PREX2: variants seen among roughly 807,000 people sequenced by gnomAD.
PREX2 encodes phosphatidylinositol 3,4,5-trisphosphate-dependent Rac exchanger 2 protein.
In PREX2, 107 loss-of-function variants were observed where a neutral mutation model predicts 203.2. The ratio of observed to expected loss-of-function variants is 0.53; its 90% CI spans 0.45 to 0.62. PREX2 has a LOEUF of 0.62. Among genes scored for constraint, PREX2 ranks in the 20% least tolerant of loss-of-function variants. PREX2 has a pLI of 0.00. For synonymous variants in PREX2, 672 were observed against 663.6 expected (o/e 1.01, Z -0.19); for missense variants, 1,777 against 1,955.9 (o/e 0.91, Z 1.72).
At chr8:68,081,772 G>A (rs1809535155) in intron 17 of PREX2, among the ~76,000 whole-genome samples, 1 of 152,010 alleles carries the variant, frequency 6.6e-6, no homozygotes, top group African/African-American at 2.4e-5. Flanking sequence ...TCGGCTCACT[G>A]CAACCTCTGC....
At chr8:68,172,468 A>T (rs920858935) in intron 35 of PREX2, among the ~76,000 whole-genome samples, 3 of 152,248 alleles carry the variant, frequency 2.0e-5, no homozygotes, top group African/African-American at 7.2e-5. Flanking sequence ...TCTGTAGGTT[A>T]TGATAAATAT....
rs987473299 is a variant in PREX2 at position 68,232,359 on chromosome 8, G to A, written c.*981G>A. On this transcript the variant is annotated 3_prime_UTR_variant, in exon 40 of 40. Transcript: ENST00000288368. ...AAGATATGAAAATAAGGCTTTATTT[G>A]TACTTTAAAAGGACCATTAGGGGAC... The A allele has an allele frequency of 7.4e-5, 11 of 148,518 alleles. No homozygotes were observed. The highest frequency in any genetic ancestry group is 1.5e-5 in the Non-Finnish European group (1 of 66,966). The allele number at this position is 148,518 out of a possible 1,614,324, so 9.2% of individuals were successfully genotyped here.
At chr8:68,066,011 G>A (rs531413134) in intron 11 of PREX2, among the ~76,000 whole-genome samples, 2 of 152,150 alleles carry the variant, frequency 1.3e-5, no homozygotes, top group South Asian at 2.1e-4. Flanking sequence ...TGTATTAATC[G>A]CTTCACATAG....
chr8:67,968,913 A>G (rs1805847123), intron 1 of PREX2, among the ~76,000 whole-genome samples: 1 of 152,232 alleles, frequency 6.6e-6, no homozygotes. Context: ...GCCTAAGGAA[A>G]TAATGCAAGA....
At chr8:68,022,535 A>T (rs1298576488) in intron 4 of PREX2, among the ~76,000 whole-genome samples, 2 of 152,178 alleles carry the variant, frequency 1.3e-5, no homozygotes, top group Admixed American at 1.3e-4. Flanking sequence ...GTAAAATTTA[A>T]CATTTCTCCT....
chr8:68,016,755 T>TAC (rs1002896842), intron 1 of PREX2, among the ~76,000 whole-genome samples: 1 of 152,004 alleles, frequency 6.6e-6, no homozygotes, highest in Admixed American at 6.6e-5. Flanking sequence ...TAACTAGGAG[T>TAC]ACAGGTGTGT....
rs146917303 is a variant in PREX2, at chr8:68,218,460, G to T, written c.4707+742G>T. Reference sequence around the variant, plus strand: ...CACAGAAAGACAAAAGAAATCAAAAGACAAATTTTATATTTTATTCTACCA... The same window carrying T: ...CACAGAAAGACAAAAGAAATCAAAATACAAATTTTATATTTTATTCTACCA... On this transcript the variant is annotated intron_variant, in intron 38 of 39. Transcript: ENST00000288368. Among the ~76,000 whole-genome samples, 594 of 152,176 alleles carry T rather than the reference G, an allele frequency of 3.9e-3. 3 individuals are homozygous for T. Among genetic ancestry groups the T allele is most frequent in the African/African-American group, 0.013 (555 of 41,514 alleles).
chr8:68,164,172 G>C (rs1250546667), intron 35 of PREX2, among the ~76,000 whole-genome samples: 2 of 152,060 alleles, frequency 1.3e-5, no homozygotes, highest in African/African-American at 4.8e-5. Context: ...TGGTACCTAA[G>C]ATGGCAAAGA....
At chr8:68,055,335 T>A (rs1341150340) in intron 9 of PREX2, among the ~76,000 whole-genome samples, 1 of 152,234 alleles carries the variant, frequency 6.6e-6, no homozygotes, top group Non-Finnish European at 1.5e-5. Flanking sequence ...ATGAGTTAGC[T>A]CTGCTTTCTC....
chr8:68,193,209 A>G (rs1479171903), intron 37 of PREX2, among the ~76,000 whole-genome samples: 1 of 152,204 alleles, frequency 6.6e-6, no homozygotes, highest in Non-Finnish European at 1.5e-5. Context: ...CTCCATTGCC[A>G]CAAGGAAATA....
chr8:68,118,130 C>T (rs552623232), intron 26 of PREX2, among the ~76,000 whole-genome samples: 12 of 152,072 alleles, frequency 7.9e-5, no homozygotes, highest in South Asian at 2.1e-4. Context: ...CCGAGGTGGG[C>T]GGATCACAAG....
chr8:68,021,421 G>A (rs1563503950), intron 3 of PREX2, among the ~76,000 whole-genome samples: 1 of 152,130 alleles, frequency 6.6e-6, no homozygotes, highest in Non-Finnish European at 1.5e-5. Flanking sequence ...TCTCAGATGT[G>A]GTGTCCTCAG....
In PREX2 at chr8:68,109,588, G is replaced by A. The variant is rs1364989225; in HGVS notation, c.3111G>A (p.Leu1037=). Residue 1037 remains leucine, a synonymous_variant, in exon 25 of 40, where the codon CTG becomes CTA. Transcript: ENST00000288368. ...QKLLGKLQTA[L]KEVEMCVCQI... ...TGCTGGGCAAACTTCAGACTGCACT[G>A]AAAGAGGTGGAGATGTGTGTTTGTC... The A allele has an allele frequency of 5.0e-6, 8 of 1,613,956 alleles. No homozygotes were observed. The highest frequency in any genetic ancestry group is 5.9e-6 in the Non-Finnish European group (7 of 1,179,842).
intron 32 of PREX2, among the ~76,000 whole-genome samples, chr8:68,137,358 C>T (rs1236018422): frequency 6.6e-6 from 1 of 152,118 alleles, no homozygotes. Context: ...GCCTCAACCT[C>T]CTGCGCTCAA....
At chr8:68,146,413 T>C in intron 34 of PREX2, 61 bp downstream of exon 34, 1 of 1,343,100 alleles carries the variant, frequency 7.4e-7, no homozygotes, top group Non-Finnish European at 1.0e-6. Flanking sequence ...ATTAATGCTT[T>C]TATAAATGTG....
At chr8:68,135,727 A>G (rs1811102668) in intron 32 of PREX2, among the ~76,000 whole-genome samples, 1 of 152,214 alleles carries the variant, frequency 6.6e-6, no homozygotes, top group African/African-American at 2.4e-5. Flanking sequence ...TTTCTAGATA[A>G]TATCTAAAAT....
intron 20 of PREX2, 24 bp from the exon 21 acceptor site, chr8:68,093,581 G>T (rs1422303205): frequency 8.1e-7 from 1 of 1,237,748 alleles, no homozygotes; most frequent in African/African-American, 1.5e-5. Flanking sequence ...TACCTCTGAG[G>T]TTTCTTTCCC....
At position 68,080,467 on chromosome 8, in the gene PREX2, A is replaced by G. The variant is rs1809481921; in HGVS notation, c.1667A>G (p.Asp556Gly). ...HHVLEKSEFK[D>G]EPLLFRFFSD... ...GTCCTTGAAAAAAGCGAATTCAAAG[A>G]TGAACCCCTACTTTTCCGTTTTTTT... The change falls in exon 16 of 40, where the codon GAT (aspartate) becomes GGT (glycine). Residue 556 changes from aspartate to glycine, a missense_variant. Transcript: ENST00000288368. 1 of 1,612,492 alleles carries G rather than the reference A, an allele frequency of 6.2e-7. No individual in the cohort carries two copies. The highest frequency in any genetic ancestry group is 8.5e-7 in the Non-Finnish European group (1 of 1,179,636).
At chr8:67,995,960 C>G (rs967539619) in intron 1 of PREX2, among the ~76,000 whole-genome samples, 1 of 152,058 alleles carries the variant, frequency 6.6e-6, no homozygotes, top group Non-Finnish European at 1.5e-5. Context: ...CATAAGGGTT[C>G]CAGCTGTTTC....
Sources: allele counts gnomAD v4.1 joint callset (sites outside exome capture counted in the v4.1 genomes callset), GRCh38; gene constraint gnomAD v4.1.1; transcripts MANE v1.5; gene names NCBI Gene and HGNC (gene_info 2026-07-23, HGNC 2026-07-21).